Variants in PPP2R5C observed in about 807,000 individuals in gnomAD.
PPP2R5C encodes the protein protein phosphatase 2 regulatory subunit B'gamma, also known as serine/threonine-protein phosphatase 2A 56 kDa regulatory subunit gamma isoform.
PPP2R5C carries 7 observed loss-of-function variants against 68.9 expected under a neutral mutation model. That is an observed-to-expected ratio of 0.10 (90% CI 0.06 to 0.19). PPP2R5C has a LOEUF of 0.19. Among genes scored for constraint, PPP2R5C ranks in the 10% least tolerant of loss-of-function variants. PPP2R5C has a pLI of 1.00. For missense variants in PPP2R5C, 348 were observed against 641.3 expected (o/e 0.54, Z 4.94); for synonymous variants, 210 against 222.2 (o/e 0.95, Z 0.49).
At position 101,917,747 on chromosome 14, in the gene PPP2R5C, G is replaced by T. The variant is rs778841918; in HGVS notation, c.1327-84G>T. On this transcript the variant is annotated intron_variant, in intron 12 of 13. Coordinates refer to ENST00000334743, the Ensembl canonical transcript of PPP2R5C. The surrounding 1 kb of genome is among the most constrained non-coding windows in gnomAD (Gnocchi z 4.4). ...GGAGAGGGCCCTGGGGGGCGGCAGG[G>T]GAGATGAGTCCCTAGCCAGGATGAG... The T allele has an allele frequency of 7.6e-6, 12 of 1,582,594 alleles. No homozygotes were observed. Among genetic ancestry groups the T allele is most frequent in the Non-Finnish European group, 1.0e-5 (12 of 1,162,182 alleles).
At chr14:101,837,262 G>A (rs1156791229) in intron 1 of PPP2R5C, among the ~76,000 whole-genome samples, 1 of 152,130 alleles carries the variant, frequency 6.6e-6, no homozygotes, top group Non-Finnish European at 1.5e-5. Flanking sequence ...TCCTGCCTCA[G>A]CCTCCCAAGT....
intron 1 of PPP2R5C, among the ~76,000 whole-genome samples, chr14:101,838,161 A>G (rs1237414338): frequency 6.6e-6 from 1 of 152,262 alleles, no homozygotes; most frequent in Non-Finnish European, 1.5e-5. Flanking sequence ...GAATCAACTA[A>G]GAAAAAGAGA....
rs183095659 is a variant in PPP2R5C at position 101,783,587 on chromosome 14, G to A, written c.94-2431G>A. 9.2e-5 allele frequency among the ~76,000 whole-genome samples: 14 copies of A among 152,144 alleles called. 1 individual carries two copies. Among genetic ancestry groups the A allele is most frequent in the South Asian group, 6.2e-4 (3 of 4,816 alleles). On this transcript the variant is annotated intron_variant, in intron 2 of 14. Transcript: ENST00000328724. ...CAAGGGCCCCTTTGGAACTGTGCCCGAGGGCTGACTTATTTTCTCAGGGGC... is the reference window on the plus strand; with the variant it reads ...CAAGGGCCCCTTTGGAACTGTGCCCAAGGGCTGACTTATTTTCTCAGGGGC...
chr14:101,840,122 A>G (rs1317031688), intron 1 of PPP2R5C, among the ~76,000 whole-genome samples: 23 of 152,140 alleles, frequency 1.5e-4, no homozygotes. Context: ...AGGTTTTTAT[A>G]TGGTCCTTCT....
At chr14:101,925,103 T>G (rs765435065) in intron 13 of PPP2R5C, 38 bp from the exon 16 acceptor site, 5 of 1,609,830 alleles carry the variant, frequency 3.1e-6, no homozygotes, top group Non-Finnish European at 4.2e-6. Flanking sequence ...TTCAGATAGC[T>G]TAGTTTGTAG....
intron 5 of PPP2R5C, among the ~76,000 whole-genome samples, chr14:101,886,249 C>G (rs1022326134): frequency 1.3e-5 from 2 of 150,452 alleles, no homozygotes; most frequent in Non-Finnish European, 2.9e-5. Flanking sequence ...CCACTGCACT[C>G]CAGCCTGGGC....
intron 1 of PPP2R5C, among the ~76,000 whole-genome samples, chr14:101,854,266 G>C (rs879067539): frequency 6.6e-6 from 1 of 152,128 alleles, no homozygotes; most frequent in East Asian, 1.9e-4. Context: ...TGAATGCAGC[G>C]TAGGAAACAG....
intron 2 of PPP2R5C, among the ~76,000 whole-genome samples, chr14:101,774,759 G>A (rs1291888872): frequency 1.3e-5 from 2 of 152,194 alleles, no homozygotes; most frequent in Non-Finnish European, 2.9e-5. Context: ...ACCTTGATCA[G>A]GGAAATCTGT....
At chr14:101,807,287 T>C (rs1219926837), upstream of PPP2R5C, among the ~76,000 whole-genome samples, 1 of 152,246 alleles carries the variant, frequency 6.6e-6, no homozygotes, top group East Asian at 1.9e-4. Context: ...CTTTATTATA[T>C]TACATTTATG....
intron 9 of PPP2R5C, among the ~76,000 whole-genome samples, chr14:101,902,515 C>A (rs2045749376): frequency 6.6e-6 from 1 of 152,196 alleles, no homozygotes; most frequent in African/African-American, 2.4e-5. Context: ...CCTTTTGCAT[C>A]ATTGAGCGGA....
At chr14:101,861,425 T>G (rs996216176) in intron 2 of PPP2R5C, among the ~76,000 whole-genome samples, 1 of 152,180 alleles carries the variant, frequency 6.6e-6, no homozygotes, top group Non-Finnish European at 1.5e-5. Flanking sequence ...TTAATTGACT[T>G]TTTCACTGTA....
chr14:101,863,878 C>A (rs1054957737), intron 2 of PPP2R5C, among the ~76,000 whole-genome samples: 2 of 152,082 alleles, frequency 1.3e-5, no homozygotes, highest in Non-Finnish European at 2.9e-5. Flanking sequence ...AGCCTGCGCA[C>A]CACAGAATAA....
Position 101,797,123 on chromosome 14 carries a change from G to GC in PPP2R5C, c.259+10943dup, listed in dbSNP as rs2038647813. On this transcript the variant is annotated intron_variant, in intron 3 of 14. Transcript: ENST00000328724. This position sits in a 1 kb window ranked among gnomAD's most constrained non-coding sequence, Gnocchi z 4.2. ...TTCTGCTTTCTGTCTCTATGATTTT[G>GC]CCCACAGTAGGAGCCTCTTAGAAGC... 1.1e-5 allele frequency: 5 copies of GC among 455,210 alleles called. No homozygotes were observed. The highest frequency in any genetic ancestry group is 2.2e-5 in the Non-Finnish European group (5 of 226,322). The allele number at this position is 455,210 out of a possible 1,614,324, so 28.2% of individuals were successfully genotyped here.
chr14:101,798,088 ATT>A (rs1381415221), intron 3 of PPP2R5C, among the ~76,000 whole-genome samples: 1 of 151,992 alleles, frequency 6.6e-6, no homozygotes, highest in East Asian at 1.9e-4. Flanking sequence ...AGTGAAGCCA[ATT>A]TTTTTAGGTC....
chr14:101,901,088 G>A (rs972144784), intron 8 of PPP2R5C, among the ~76,000 whole-genome samples: 1 of 152,216 alleles, frequency 6.6e-6, no homozygotes, highest in Non-Finnish European at 1.5e-5. Context: ...AGAAGTATGT[G>A]TGTTTGTGTA....
intron 1 of PPP2R5C, chr14:101,839,500 C>G (rs2041328212): frequency 6.6e-6 from 1 of 152,398 alleles, no homozygotes; most frequent in Non-Finnish European, 1.5e-5. Context: ...ACACCCTGAC[C>G]TGAGCTGGTG....
At position 101,917,928 on chromosome 14, in the gene PPP2R5C, TG is replaced by T. The variant is rs1566970590; in HGVS notation, c.1425del (p.Lys476ArgfsTer68). On this transcript the variant is annotated frameshift_variant, in exon 13 of 14. Transcript: ENST00000334743. LOFTEE classifies it high-confidence loss of function. This position sits in a 1 kb window ranked among gnomAD's most constrained non-coding sequence, Gnocchi z 4.4. ...GATGTGCAGATGCTGAGAAAGACAG[TG>T]AAGGACGAGGCTCATCAGGTAAAAG... 2 of 1,613,732 alleles carry T rather than the reference TG, an allele frequency of 1.2e-6. No individual in the cohort carries two copies. Among genetic ancestry groups the T allele is most frequent in the African/African-American group, 2.7e-5 (2 of 74,876 alleles).
At chr14:101,900,315 T>A (rs1383380110) in intron 8 of PPP2R5C, among the ~76,000 whole-genome samples, 1 of 152,218 alleles carries the variant, frequency 6.6e-6, no homozygotes, top group Non-Finnish European at 1.5e-5. Context: ...TCCACCTTTT[T>A]AAAAAATCAC....
chr14:101,825,614 A>T lies in PPP2R5C; in HGVS notation c.94+15578A>T, dbSNP rs2040354458. 6.6e-6 allele frequency among the ~76,000 whole-genome samples: 1 copy of T among 152,184 alleles called. No homozygotes were observed. Reference sequence around the variant, plus strand: ...GCCAGGGTGTCACTCCAATTCCATCATTCAGGTTTCACTGAACTTTCATGT... The same window carrying T: ...GCCAGGGTGTCACTCCAATTCCATCTTTCAGGTTTCACTGAACTTTCATGT... On this transcript the variant is annotated intron_variant, in intron 1 of 13. Transcript: ENST00000334743. This position sits in a 1 kb window ranked among gnomAD's most constrained non-coding sequence, Gnocchi z 4.0.
Sources: gnomAD v4.1 joint callset for allele counts (sites outside exome capture counted in the v4.1 genomes callset) on GRCh38, gnomAD v4.1.1 for gene constraint, Gnocchi (gnomAD v3.1) non-coding constraint, MANE v1.5 for transcripts, NCBI Gene and HGNC (gene_info 2026-07-23, HGNC 2026-07-21) for gene names.